NREP: variants seen among roughly 807,000 people sequenced by gnomAD.
NREP encodes neuronal regeneration-related protein.
In NREP, 5 loss-of-function variants were observed where a neutral mutation model predicts 8.6. That is an observed-to-expected ratio of 0.58 (90% confidence interval 0.30 to 1.22). NREP has a LOEUF of 1.22. Among genes scored for constraint, NREP ranks in the 50% most tolerant of loss-of-function variants. The pLI, the probability that NREP is intolerant of heterozygous loss-of-function variation, is 0.07. For synonymous variants in NREP, 27 were observed against 28.0 expected, an observed-to-expected ratio of 0.96 and a Z score of 0.11; for missense variants, 86 against 82.5, an observed-to-expected ratio of 1.04 and a Z score of -0.17.
intron 2 of NREP, among the ~76,000 whole-genome samples, chr5:111,943,051 T>A (rs1755876356): frequency 6.6e-6 from 1 of 151,956 alleles, no homozygotes; most frequent in African/African-American, 2.4e-5. Context: ...GTGGCTCCCA[T>A]CTCATCACTG....
At chr5:111,946,518 TC>T (rs1755988579) in intron 2 of NREP, among the ~76,000 whole-genome samples, 1 of 151,958 alleles carries the variant, frequency 6.6e-6, no homozygotes, top group African/African-American at 2.4e-5. Context: ...TAAAAGATAA[TC>T]CCCTGAAAAC....
At chr5:111,889,793 G>T (rs1754350266) in intron 2 of NREP, among the ~76,000 whole-genome samples, 1 of 152,134 alleles carries the variant, frequency 6.6e-6, no homozygotes, top group African/African-American at 2.4e-5. Flanking sequence ...AAGAGAGTCA[G>T]CAAAGGGAGA....
intron 2 of NREP, among the ~76,000 whole-genome samples, chr5:111,962,214 G>A (rs1467966533): frequency 6.6e-6 from 1 of 151,986 alleles, no homozygotes; most frequent in East Asian, 1.9e-4. Context: ...CCTTTCCTAT[G>A]CTTTATTTTG....
At chr5:111,910,012 A>G (rs532826116) in intron 2 of NREP, among the ~76,000 whole-genome samples, 10 of 152,140 alleles carry the variant, frequency 6.6e-5, no homozygotes, top group Non-Finnish European at 1.5e-4. Context: ...TGACTTGATT[A>G]GTAAGTTTTA....
intron 2 of NREP, among the ~76,000 whole-genome samples, chr5:111,899,187 A>G (rs1164195092): frequency 6.6e-6 from 1 of 152,180 alleles, no homozygotes; most frequent in African/African-American, 2.4e-5. Flanking sequence ...AATGAGAAAG[A>G]GAAAGGAGTC....
At chr5:111,868,527 A>G (rs1208904020) in intron 2 of NREP, among the ~76,000 whole-genome samples, 1 of 152,228 alleles carries the variant, frequency 6.6e-6, no homozygotes, top group African/African-American at 2.4e-5. Flanking sequence ...ACACAAAATT[A>G]TAGATTTCTA....
chr5:111,946,402 T>C (rs1357472461), intron 2 of NREP, among the ~76,000 whole-genome samples: 1 of 152,086 alleles, frequency 6.6e-6, no homozygotes, highest in Non-Finnish European at 1.5e-5. Flanking sequence ...ATGAAGATTT[T>C]CATTTTAAAG....
intron 2 of NREP, among the ~76,000 whole-genome samples, chr5:111,943,697 C>T (rs552526190): frequency 3.0e-4 from 46 of 152,220 alleles, no homozygotes; most frequent in African/African-American, 1.1e-3. Context: ...AAAGCATAGG[C>T]TCTGCCCTCA....
At chr5:111,974,759 C>G (rs557590719) in intron 2 of NREP, among the ~76,000 whole-genome samples, 13 of 152,138 alleles carry the variant, frequency 8.5e-5, no homozygotes, top group Non-Finnish European at 1.9e-4. Context: ...AAGTTCATTT[C>G]CCATTGTACT....
At chr5:111,811,047 C>A (rs7718087) in intron 2 of NREP, among the ~76,000 whole-genome samples, 2 of 151,964 alleles carry the variant, frequency 1.3e-5, no homozygotes, top group Non-Finnish European at 2.9e-5. Flanking sequence ...AAACCACATA[C>A]TGTTGAGAAA....
At chr5:111,822,505 G>C (rs1451265217) in intron 2 of NREP, among the ~76,000 whole-genome samples, 1 of 152,220 alleles carries the variant, frequency 6.6e-6, no homozygotes, top group Non-Finnish European at 1.5e-5. Context: ...TAGGAGTAAA[G>C]TCAAATGGAA....
At chr5:111,932,981 G>A (rs991196995) in intron 2 of NREP, among the ~76,000 whole-genome samples, 7 of 152,004 alleles carry the variant, frequency 4.6e-5, no homozygotes, top group African/African-American at 1.4e-4. Context: ...CCTGGAGCTG[G>A]GCCAAGTTTG....
intron 2 of NREP, among the ~76,000 whole-genome samples, chr5:111,904,271 T>C (rs896732829): frequency 2.6e-5 from 4 of 152,150 alleles, no homozygotes; most frequent in Admixed American, 1.3e-4. Flanking sequence ...TTTGATGTGT[T>C]TTGACAAATG....
intron 2 of NREP, among the ~76,000 whole-genome samples, chr5:111,839,625 A>G (rs1752976089): frequency 6.6e-6 from 1 of 152,020 alleles, no homozygotes; most frequent in South Asian, 2.1e-4. Flanking sequence ...CGTTATTGCT[A>G]TGGGGATAGT....
chr5:111,970,292 T>A (rs749721838), intron 2 of NREP, among the ~76,000 whole-genome samples: 50 of 152,166 alleles, frequency 3.3e-4, no homozygotes, highest in Admixed American at 1.0e-3. Flanking sequence ...CTTACATACA[T>A]AGGTCTCTTC....
At chr5:111,849,476 C>A (rs1169118804) in intron 2 of NREP, among the ~76,000 whole-genome samples, 1 of 151,958 alleles carries the variant, frequency 6.6e-6, no homozygotes, top group Non-Finnish European at 1.5e-5. Context: ...CACTGAGGAG[C>A]CAATGAAAGC....
intron 2 of NREP, among the ~76,000 whole-genome samples, chr5:111,766,014 A>AAACAG (rs70973618): frequency 0.59 from 89,957 of 151,366 alleles, 27,193 homozygotes; most frequent in Non-Finnish European, 0.66. Context: ...TATTGTCAGA[A>AAACAG]AACTAAAAAA....
intron 2 of NREP, among the ~76,000 whole-genome samples, chr5:111,884,601 C>T (rs986898388): frequency 4.7e-5 from 7 of 147,906 alleles, no homozygotes; most frequent in Non-Finnish European, 1.1e-4. Context: ...CCGAATCCAG[C>T]AGCACATCAA....
intron 2 of NREP, among the ~76,000 whole-genome samples, chr5:111,873,791 G>C (rs959366770): frequency 1.4e-3 from 213 of 152,164 alleles, no homozygotes; most frequent in African/African-American, 5.0e-3. Context: ...GGTTCAAGAT[G>C]TTCCAATGTG....
Sources: allele counts gnomAD v4.1 joint callset (sites outside exome capture counted in the v4.1 genomes callset), GRCh38; gene constraint gnomAD v4.1.1; transcripts MANE v1.5; gene names NCBI Gene and HGNC (gene_info 2026-07-23, HGNC 2026-07-21).